The following SPAG16 variants were observed in gnomAD, a reference collection of about 807,000 sequenced individuals.
SPAG16 encodes sperm associated antigen 16.
A neutral mutation model predicts 80.4 loss-of-function variants in SPAG16; 86 were observed. That is an observed-to-expected ratio of 1.07 (90% CI 0.90 to 1.28). The LOEUF is 1.28. Among genes scored for constraint, SPAG16 ranks in the 50% most tolerant of loss-of-function variants. The probability of loss-of-function intolerance (pLI) is 0.00; values close to 1 mark genes in which losing one functional copy is unlikely to be tolerated. For synonymous variants in SPAG16, 294 were observed against 265.9 expected (o/e 1.11, Z -1.03); for missense variants, 870 against 765.3 (o/e 1.14, Z -1.61).
At chr2:214,069,016 C>G (rs17813412) in intron 13 of SPAG16, among the ~76,000 whole-genome samples, 30,444 of 152,022 alleles carry the variant, frequency 0.2, 3,698 homozygotes, top group Middle Eastern at 0.28. Context: ...ATCATAAAGC[C>G]TGTGTTTCTA....
chr2:213,334,811 G>A (rs2171626), intron 5 of SPAG16, among the ~76,000 whole-genome samples: 37,670 of 152,068 alleles, frequency 0.25, 5,381 homozygotes, highest in Middle Eastern at 0.44. Flanking sequence ...ACTGGGAAGG[G>A]TAGTGTGTGT....
intron 10 of SPAG16, among the ~76,000 whole-genome samples, chr2:213,548,967 T>G (rs767103012): frequency 6.6e-6 from 1 of 152,018 alleles, no homozygotes; most frequent in Non-Finnish European, 1.5e-5. Context: ...GAATGCCACT[T>G]TATTTTTTTT....
At chr2:213,608,088 G>A (rs1028221015) in intron 10 of SPAG16, among the ~76,000 whole-genome samples, 3 of 152,124 alleles carry the variant, frequency 2.0e-5, no homozygotes, top group African/African-American at 7.2e-5. Context: ...TTCTGGTTTT[G>A]TTTTTTCTGA....
chr2:213,455,185 T>C (rs2125590222), intron 9 of SPAG16, among the ~76,000 whole-genome samples: 1 of 152,364 alleles, frequency 6.6e-6, no homozygotes, highest in Non-Finnish European at 1.5e-5. Context: ...TCTCTCATCA[T>C]TAATGAGATT....
intron 15 of SPAG16, among the ~76,000 whole-genome samples, chr2:214,152,464 T>C (rs1335681932): frequency 6.6e-6 from 1 of 152,176 alleles, no homozygotes; most frequent in Non-Finnish European, 1.5e-5. Flanking sequence ...TGCCTTGCAG[T>C]GTTCTAACGT....
chr2:213,541,949 A>G (rs1044834543), intron 10 of SPAG16, among the ~76,000 whole-genome samples: 4 of 152,204 alleles, frequency 2.6e-5, no homozygotes, highest in African/African-American at 9.7e-5. Context: ...TATGGTTACC[A>G]TATGAGTCCC....
intron 13 of SPAG16, among the ~76,000 whole-genome samples, chr2:214,065,448 A>G (rs375783571): frequency 9.9e-5 from 15 of 152,178 alleles, no homozygotes; most frequent in African/African-American, 3.6e-4. Flanking sequence ...CTCATCTAAT[A>G]TTCTAAATCT....
chr2:214,410,167 A>G lies in SPAG16; in HGVS notation c.1748A>G (p.Asn583Ser). ...CGAGTTTTAGCTCAGGCAAGTGGCAATGGTGTTATCCATTTGCTAGATCTT... is the reference window on the plus strand; with the variant it reads ...CGAGTTTTAGCTCAGGCAAGTGGCAGTGGTGTTATCCATTTGCTAGATCTT... ...SGRVLAQASG[N>S]GVIHLLDLKS... is the part of the protein sequence containing the mutation. The change falls in exon 16 of 16, where the codon AAT becomes AGT. Residue 583 changes from asparagine to serine, a missense_variant. Coordinates refer to ENST00000331683, the MANE Select transcript of SPAG16 (RefSeq NM_024532.5). 6.2e-7 allele frequency: 1 copy of G among 1,613,870 alleles called. No homozygotes were observed. Among genetic ancestry groups the G allele is most frequent in the Non-Finnish European group, 8.5e-7 (1 of 1,179,800 alleles).
At chr2:213,800,040 C>T (rs772598332) in intron 10 of SPAG16, among the ~76,000 whole-genome samples, 22 of 151,702 alleles carry the variant, frequency 1.5e-4, no homozygotes, top group Non-Finnish European at 2.8e-4. Context: ...CTTTAGTTCA[C>T]CTATGGCTTT....
rs565372467 is a variant in SPAG16 at position 214,056,753 on chromosome 2, A to C, written c.1527+42676A>C. ...GTAGCATGTGATGCTGTTTGATAAC[A>C]TTTTACCCACAGTAGAAATTCTTTA... On this transcript the variant is annotated intron_variant, in intron 13 of 15. Coordinates refer to ENST00000331683, the MANE Select transcript of SPAG16 (RefSeq NM_024532.5). Among the ~76,000 whole-genome samples the C allele has an allele frequency of 3.3e-5, 5 of 152,280 alleles. No homozygotes were observed. In the East Asian group the frequency reaches 9.6e-4, roughly 29 times the overall value.
intron 15 of SPAG16, among the ~76,000 whole-genome samples, chr2:214,281,821 T>C (rs557637316): frequency 6.6e-6 from 1 of 152,186 alleles, no homozygotes; most frequent in Non-Finnish European, 1.5e-5. Flanking sequence ...AGTATGTCCA[T>C]ACAATAAAAT....
chr2:214,400,349 A>G (rs1405529573), intron 15 of SPAG16, among the ~76,000 whole-genome samples: 3 of 152,022 alleles, frequency 2.0e-5, no homozygotes, highest in African/African-American at 7.2e-5. Flanking sequence ...AGATTTTGCA[A>G]TCACAGATTG....
chr2:214,097,907 A>G (rs2052715064), intron 13 of SPAG16, among the ~76,000 whole-genome samples: 1 of 152,056 alleles, frequency 6.6e-6, no homozygotes, highest in Non-Finnish European at 1.5e-5. Flanking sequence ...TAAATCCCCA[A>G]AATGGCACTA....
intron 4 of SPAG16, among the ~76,000 whole-genome samples, chr2:213,313,146 A>G (rs748789212): frequency 3.3e-5 from 5 of 151,904 alleles, no homozygotes; most frequent in Non-Finnish European, 5.9e-5. Context: ...TCTACATAAC[A>G]TAAAAGTTAG....
chr2:213,892,120 G>C (rs1282425134), intron 11 of SPAG16, among the ~76,000 whole-genome samples: 1 of 152,046 alleles, frequency 6.6e-6, no homozygotes, highest in Non-Finnish European at 1.5e-5. Context: ...AGCACCACAC[G>C]AAAGGAGGTT....
intron 10 of SPAG16, among the ~76,000 whole-genome samples, chr2:213,848,671 T>G (rs2105900629): frequency 6.6e-6 from 1 of 152,304 alleles, no homozygotes; most frequent in African/African-American, 2.4e-5. Flanking sequence ...GTTTTTATAA[T>G]GCCAGTTTAT....
chr2:213,373,067 C>T (rs1388557995), intron 8 of SPAG16, among the ~76,000 whole-genome samples: 1 of 152,078 alleles, frequency 6.6e-6, no homozygotes, highest in Non-Finnish European at 1.5e-5. Context: ...GTTGACTTTA[C>T]CTAAGTAAAA....
chr2:213,668,501 A>G (rs1209856523), intron 10 of SPAG16, among the ~76,000 whole-genome samples: 1 of 152,182 alleles, frequency 6.6e-6, no homozygotes, highest in Admixed American at 6.5e-5. Context: ...GATAGATTGA[A>G]TTTTATTAAA....
intron 10 of SPAG16, among the ~76,000 whole-genome samples, chr2:213,702,259 T>C (rs926625173): frequency 6.6e-6 from 1 of 152,194 alleles, no homozygotes; most frequent in Non-Finnish European, 1.5e-5. Context: ...CAGCAGGATG[T>C]GGGTGGGGCC....
Sources: gnomAD v4.1 joint callset for allele counts (sites outside exome capture counted in the v4.1 genomes callset) on GRCh38, gnomAD v4.1.1 for gene constraint, MANE v1.5 for transcripts, NCBI Gene and HGNC (gene_info 2026-07-23, HGNC 2026-07-21) for gene names.